The following GGTA1 variants were observed in gnomAD, a reference collection of about 807,000 sequenced individuals.
GGTA1 encodes glycoprotein alpha-galactosyltransferase 1 (inactive), also known as inactive N-acetyllactosaminide alpha-1,3-galactosyltransferase.
A neutral mutation model predicts 2.6 loss-of-function variants in GGTA1; 5 were observed. The observed-to-expected ratio is 1.92, with a 90% CI of 1.00 to 4.04. The LOEUF is 4.04. GGTA1 is among the 30% of genes most tolerant of loss of function. The pLI is 0.00. For synonymous variants in GGTA1, 17 were observed against 5.0 expected, an observed-to-expected ratio of 3.38 and a Z score of -3.19; for missense variants, 50 against 16.7, an observed-to-expected ratio of 2.99 and a Z score of -3.47.
At chr9:121,484,086 T>C (rs1828707230) in intron 1 of GGTA1, among the ~76,000 whole-genome samples, 1 of 152,170 alleles carries the variant, frequency 6.6e-6, no homozygotes, top group Non-Finnish European at 1.5e-5. Flanking sequence ...ATTGTGCCTA[T>C]TGGGTGCAAT....
chr9:121,486,617 G>A (rs917823343), intron 1 of GGTA1, among the ~76,000 whole-genome samples: 2 of 152,280 alleles, frequency 1.3e-5, no homozygotes, highest in South Asian at 4.1e-4. Context: ...GTGATGAAGG[G>A]CACCATCTCA....
intron 1 of GGTA1, among the ~76,000 whole-genome samples, chr9:121,483,268 CT>C (rs2118743869): frequency 1.3e-5 from 2 of 152,300 alleles, no homozygotes; most frequent in East Asian, 3.9e-4. Context: ...GCTGGGACCT[CT>C]TTTCGTTGGA....
At chr9:121,457,853 C>G (rs1232144805) in intron 5 of GGTA1, among the ~76,000 whole-genome samples, 2 of 151,540 alleles carry the variant, frequency 1.3e-5, no homozygotes, top group Non-Finnish European at 2.9e-5. Context: ...GCAAAGCGAC[C>G]TTGATATGGA....
At chr9:121,496,862 AC>A in intron 1 of GGTA1, among the ~76,000 whole-genome samples, 1 of 152,068 alleles carries the variant, frequency 6.6e-6, no homozygotes, top group Middle Eastern at 3.4e-3. Context: ...TCTCAAACAA[AC>A]AAAAAAAAGA....
chr9:121,456,440 C>T (rs912162602), intron 5 of GGTA1, among the ~76,000 whole-genome samples: 4 of 150,906 alleles, frequency 2.7e-5, no homozygotes, highest in African/African-American at 4.9e-5. Flanking sequence ...TTTTTTCAGA[C>T]GGAGTTTGGC....
chr9:121,473,724 G>A (rs905304066), intron 1 of GGTA1, among the ~76,000 whole-genome samples: 1 of 152,090 alleles, frequency 6.6e-6, no homozygotes, highest in Non-Finnish European at 1.5e-5. Context: ...CCAGGAGTTC[G>A]AGACCAGCCT....
chr9:121,470,905 G>C (rs1387562537), intron 1 of GGTA1, among the ~76,000 whole-genome samples: 1 of 152,252 alleles, frequency 6.6e-6, no homozygotes, highest in Non-Finnish European at 1.5e-5. Context: ...CTCCCGCATA[G>C]CGGGCTCTGT....
At chr9:121,477,062 C>G (rs1828524185) in intron 1 of GGTA1, among the ~76,000 whole-genome samples, 1 of 152,250 alleles carries the variant, frequency 6.6e-6, no homozygotes, top group Non-Finnish European at 1.5e-5. Context: ...TCAGGGGTCA[C>G]TATGATCCAG....
rs1258177744 is a variant in GGTA1, at chr9:121,455,790, A to G, written c.*47T>C. 3 of 453,620 alleles carry G rather than the reference A, an allele frequency of 6.6e-6. No homozygotes were observed. Among genetic ancestry groups the G allele is most frequent in the East Asian group, 6.9e-5 (1 of 14,396 alleles). The allele number at this position is 453,620 out of a possible 1,614,324, so 28.1% of individuals were successfully genotyped here. ...GATCTCTCAGTCCAGGTCTTCTAGA[A>G]GGACTGAGTCAGAAAACCAGAGTCC... On this transcript the variant is annotated 3_prime_UTR_variant, in exon 6 of 6. Transcript: ENST00000481799.
At chr9:121,459,394 C>T (rs1564651366) in intron 5 of GGTA1, among the ~76,000 whole-genome samples, 1 of 152,160 alleles carries the variant, frequency 6.6e-6, no homozygotes, top group Non-Finnish European at 1.5e-5. Context: ...CACGATTGCA[C>T]CACTGCGCTC....
intron 3 of GGTA1, among the ~76,000 whole-genome samples, chr9:121,461,809 T>C (rs1338557050): frequency 6.6e-6 from 1 of 152,202 alleles, no homozygotes; most frequent in East Asian, 1.9e-4. Context: ...AGTTATACGC[T>C]TCATGAAAAA....
At chr9:121,451,546 G>A (rs1375595385), downstream of GGTA1, among the ~76,000 whole-genome samples, 4 of 152,166 alleles carry the variant, frequency 2.6e-5, no homozygotes, top group African/African-American at 9.7e-5. Context: ...TTCTGAACAA[G>A]GGAGTTGAAA....
intron 1 of GGTA1, among the ~76,000 whole-genome samples, chr9:121,468,762 T>C (rs1430921175): frequency 1.3e-5 from 2 of 152,204 alleles, no homozygotes; most frequent in Non-Finnish European, 2.9e-5. Flanking sequence ...CTGCCTCCAT[T>C]GGCAAGGGTG....
At chr9:121,485,838 C>G (rs1469970576) in intron 1 of GGTA1, among the ~76,000 whole-genome samples, 1 of 152,162 alleles carries the variant, frequency 6.6e-6, no homozygotes, top group African/African-American at 2.4e-5. Context: ...CCCACTTCCT[C>G]AGATCACATC....
At chr9:121,480,796 T>C (rs1828627712) in intron 1 of GGTA1, among the ~76,000 whole-genome samples, 1 of 152,174 alleles carries the variant, frequency 6.6e-6, no homozygotes, top group South Asian at 2.1e-4. Context: ...TATCCTATTG[T>C]TCTGCTCCCA....
chr9:121,494,409 G>T (rs1322377209), intron 1 of GGTA1: 1 of 152,246 alleles, frequency 6.6e-6, no homozygotes, highest in African/African-American at 2.4e-5. Flanking sequence ...TGGTCTCCTC[G>T]CCACATTTGG....
chr9:121,449,671 C>A (rs2064868729), intron 7 of GGTA1, among the ~76,000 whole-genome samples: 1 of 151,878 alleles, frequency 6.6e-6, no homozygotes, highest in Non-Finnish European at 1.5e-5. Context: ...GAAACCCCAT[C>A]TCTACTAAAA....
rs1828519134 is a variant in GGTA1 at position 121,476,734 on chromosome 9, T to G, written c.-9-8803A>C. On this transcript the variant is annotated intron_variant, in intron 1 of 5. Transcript: ENST00000481799. The surrounding 1 kb of genome is among the most constrained non-coding windows in gnomAD (Gnocchi z 4.6). ...CAGAGGCTGACTTACCAGGAGCTAA[T>G]GACGCTTAGGTGTCAGGGTCCTCAT... Among the ~76,000 whole-genome samples, 1 of 152,226 alleles carries G rather than the reference T, an allele frequency of 6.6e-6. No homozygotes were observed. Among genetic ancestry groups the G allele is most frequent in the Admixed American group, 6.5e-5 (1 of 15,280 alleles).
chr9:121,462,845 G>T (rs1348613720), intron 3 of GGTA1: 1 of 155,052 alleles, frequency 6.4e-6, no homozygotes, highest in African/African-American at 2.4e-5. Context: ...GAAATATAAA[G>T]GTTTACATGG....
Sources: allele counts gnomAD v4.1 joint callset (sites outside exome capture counted in the v4.1 genomes callset), GRCh38; gene constraint gnomAD v4.1.1; non-coding constraint Gnocchi (gnomAD v3.1); transcripts MANE v1.5; gene names NCBI Gene and HGNC (gene_info 2026-07-23, HGNC 2026-07-21).